Variants in CLSTN1 observed in about 807,000 individuals in gnomAD.
The protein encoded by CLSTN1 is calsyntenin 1, also known as calsyntenin-1.
A neutral mutation model predicts 108.3 loss-of-function variants in CLSTN1; 28 were observed. That is an observed-to-expected ratio of 0.26 (90% CI 0.19 to 0.35). The LOEUF (loss-of-function observed/expected upper bound fraction) is 0.35. Ranked by LOEUF, CLSTN1 falls within the 10% of genes least tolerant of loss-of-function variation. CLSTN1 has a pLI of 1.00. For missense variants in CLSTN1, 1,157 were observed against 1,302.6 expected (o/e 0.89, Z 1.72); for synonymous variants, 524 against 534.9 (o/e 0.98, Z 0.28).
At chr1:9,797,518 G>A (rs1043910912) in intron 1 of CLSTN1, among the ~76,000 whole-genome samples, 1 of 152,046 alleles carries the variant, frequency 6.6e-6, no homozygotes, top group African/African-American at 2.4e-5. Flanking sequence ...GTGCATGTCT[G>A]TAGTCTCATC....
chr1:9,758,761 G>A (rs185653858), intron 2 of CLSTN1, among the ~76,000 whole-genome samples: 5 of 152,198 alleles, frequency 3.3e-5, no homozygotes, highest in East Asian at 3.9e-4. Flanking sequence ...ATTGCCTGGC[G>A]GAAAGAGAGC....
At chr1:9,793,990 G>T (rs1364274232) in intron 1 of CLSTN1, among the ~76,000 whole-genome samples, 2 of 151,326 alleles carry the variant, frequency 1.3e-5, no homozygotes, top group African/African-American at 4.8e-5. Flanking sequence ...GAACTCTCCC[G>T]CTCCAACTTC....
chr1:9,812,978 A>G (rs1654824233), intron 1 of CLSTN1, among the ~76,000 whole-genome samples: 1 of 151,988 alleles, frequency 6.6e-6, no homozygotes, highest in Non-Finnish European at 1.5e-5. Context: ...AGCCTGGCCA[A>G]CATGGTGAAA....
intron 1 of CLSTN1, among the ~76,000 whole-genome samples, chr1:9,801,215 A>G (rs1654249248): frequency 6.6e-6 from 1 of 152,214 alleles, no homozygotes; most frequent in South Asian, 2.1e-4. Context: ...ATTGCACTCC[A>G]GCCTGGGAAA....
At chr1:9,809,912 A>G (rs1421484190) in intron 1 of CLSTN1, among the ~76,000 whole-genome samples, 1 of 149,234 alleles carries the variant, frequency 6.7e-6, no homozygotes, top group Non-Finnish European at 1.5e-5. Flanking sequence ...AAAAAACTAT[A>G]AAAATGATAC....
chr1:9,814,247 CAAAA>C (rs558624346), intron 1 of CLSTN1, among the ~76,000 whole-genome samples: 242 of 94,924 alleles, frequency 2.5e-3, no homozygotes, highest in African/African-American at 8.4e-3. Context: ...CCATCTCTAC[CAAAA>C]AAAAAAAAAA....
At position 9,795,503 on chromosome 1, in the gene CLSTN1, G is replaced by T. The variant is rs150154695; in HGVS notation, c.92-22109C>A. 8.1e-3 allele frequency among the ~76,000 whole-genome samples: 1,228 copies of T among 151,334 alleles called. 24 individuals carry two copies. The highest frequency in any genetic ancestry group is 0.031 in the Middle Eastern group (9 of 294). On this transcript the variant is annotated intron_variant, in intron 1 of 18. Coordinates refer to ENST00000377298, the MANE Select transcript of CLSTN1 (RefSeq NM_001009566.3). Reference sequence around the variant, plus strand: ...TTTTAGAGCAACAGAAAACAAAACCGCTCAATCTTATTCTGCCACTGAGTC... The same window carrying T: ...TTTTAGAGCAACAGAAAACAAAACCTCTCAATCTTATTCTGCCACTGAGTC...
intron 1 of CLSTN1, among the ~76,000 whole-genome samples, chr1:9,816,646 A>G (rs1654984013): frequency 6.6e-6 from 1 of 151,548 alleles, no homozygotes; most frequent in African/African-American, 2.4e-5. Context: ...TGGCATGACA[A>G]AAGTGGTCTT....
chr1:9,778,874 T>G (rs1653093936), intron 1 of CLSTN1, among the ~76,000 whole-genome samples: 1 of 151,600 alleles, frequency 6.6e-6, no homozygotes, highest in African/African-American at 2.4e-5. Context: ...ATTACAAAAA[T>G]TAGCCGGGCG....
rs1651441868 is a variant in CLSTN1 at position 9,749,467 on chromosome 1, G to A, written c.979C>T (p.Leu327Phe). The A allele has an allele frequency of 1.9e-6, 3 of 1,609,938 alleles. No individual in the cohort carries two copies. Among genetic ancestry groups the A allele is most frequent in the Non-Finnish European group, 2.5e-6 (3 of 1,178,902 alleles). Reference sequence around the variant, plus strand: ...GAACGCCTGGTCTCCTTACCACAGAGCCGGTGGAGGGACTTCTCTGAGTAG... The same window carrying A: ...GAACGCCTGGTCTCCTTACCACAGAACCGGTGGAGGGACTTCTCTGAGTAG... ...DTYSEKSLHRLCGAAAGTAEL... is the reference protein window; with the variant it reads ...DTYSEKSLHRFCGAAAGTAEL... The change falls in exon 7 of 19, where the codon CTC becomes TTC. Residue 327 changes from leucine to phenylalanine, a missense_variant. Leu to Phe is a conservative substitution (Grantham distance 22). Coordinates refer to ENST00000377298, the MANE Select transcript of CLSTN1 (RefSeq NM_001009566.3).
At chr1:9,742,926 A>C (rs1409855295) in intron 9 of CLSTN1, among the ~76,000 whole-genome samples, 1 of 152,088 alleles carries the variant, frequency 6.6e-6, no homozygotes, top group Non-Finnish European at 1.5e-5. Context: ...AAAAAGAGAC[A>C]AATGCTACCA....
chr1:9,766,583 C>A (rs2101140577), intron 2 of CLSTN1, among the ~76,000 whole-genome samples: 1 of 152,228 alleles, frequency 6.6e-6, no homozygotes, highest in South Asian at 2.1e-4. Context: ...TTGCTTGAAC[C>A]CGGAAGGCAG....
At chr1:9,746,268 T>C (rs1252463489) in intron 7 of CLSTN1, among the ~76,000 whole-genome samples, 4 of 152,222 alleles carry the variant, frequency 2.6e-5, no homozygotes. Context: ...TTTCCAACCA[T>C]TCTTATGTAT....
At chr1:9,792,167 C>T (rs761627387) in intron 1 of CLSTN1, among the ~76,000 whole-genome samples, 1 of 150,916 alleles carries the variant, frequency 6.6e-6, no homozygotes, top group Non-Finnish European at 1.5e-5. Flanking sequence ...GCTTAGGCGA[C>T]AGCGAGACTC....
intron 1 of CLSTN1, among the ~76,000 whole-genome samples, chr1:9,775,930 G>A (rs1652918482): frequency 6.6e-6 from 1 of 151,998 alleles, no homozygotes; most frequent in South Asian, 2.1e-4. Context: ...GCGTGTGAAG[G>A]CTTGCATCTG....
chr1:9,774,344 T>TCACCTGAG (rs1236433727), intron 1 of CLSTN1, among the ~76,000 whole-genome samples: 1 of 152,030 alleles, frequency 6.6e-6, no homozygotes. Context: ...CGAGGGCGGA[T>TCACCTGAG]CACCTGAGGT....
intron 9 of CLSTN1, among the ~76,000 whole-genome samples, chr1:9,743,331 G>A (rs760504524): frequency 5.3e-5 from 8 of 152,164 alleles, no homozygotes; most frequent in Non-Finnish European, 1.0e-4. Context: ...CACTTTGGGC[G>A]GCTGAGGTGG....
chr1:9,757,798 A>G (rs1651889530), intron 2 of CLSTN1, among the ~76,000 whole-genome samples: 1 of 152,138 alleles, frequency 6.6e-6, no homozygotes, highest in Admixed American at 6.5e-5. Context: ...TGGAAATGTG[A>G]AGAGATCAGG....
intron 6 of CLSTN1, 32 bp from the exon 7 acceptor site, chr1:9,749,678 G>C (rs773898170): frequency 1.2e-6 from 2 of 1,611,408 alleles, no homozygotes; most frequent in Admixed American, 1.7e-5. Flanking sequence ...CAGGGGAAGA[G>C]AGAAGGAAAA....
Sources: gnomAD v4.1 joint callset for allele counts (sites outside exome capture counted in the v4.1 genomes callset) on GRCh38, gnomAD v4.1.1 for gene constraint, MANE v1.5 for transcripts, NCBI Gene and HGNC (gene_info 2026-07-23, HGNC 2026-07-21) for gene names.